PGS1: variants seen among roughly 807,000 people sequenced by gnomAD.
PGS1 encodes CDP-diacylglycerol--glycerol-3-phosphate 3-phosphatidyltransferase, mitochondrial.
PGS1 carries 44 observed loss-of-function variants against 58.3 expected under a neutral mutation model. The observed-to-expected ratio is 0.75, with a 90% CI of 0.59 to 0.97. The LOEUF (loss-of-function observed/expected upper bound fraction) is 0.97. Ranked by LOEUF, PGS1 falls within the 50% of genes least tolerant of loss-of-function variation. The pLI is 0.00. For missense variants in PGS1, 684 were observed against 731.1 expected (o/e 0.94, Z 0.74); for synonymous variants, 330 against 311.0 (o/e 1.06, Z -0.64).
intron 1 of PGS1, among the ~76,000 whole-genome samples, chr17:78,384,978 G>A (rs1361947906): frequency 1.3e-5 from 2 of 152,258 alleles, no homozygotes; most frequent in Non-Finnish European, 1.5e-5. Flanking sequence ...GGGCCTCCAG[G>A]CGCTGTTGAC....
Position 78,396,363 on chromosome 17 carries a change from C to G in PGS1, c.389C>G (p.Thr130Arg), listed in dbSNP as rs1438252235. Residue 130 changes from threonine (T) to arginine (R), a missense_variant, in exon 3 of 10, where the codon ACA (threonine) becomes AGA (arginine). Transcript: ENST00000262764. ...GTGATGGCATCCCTCTACCTGGGGA[C>G]AGGTCCTTTGGAACAGGAGCTGGTA... ...RVVMASLYLG[T>R]GPLEQELVDC... 5 of 1,612,652 alleles carry G rather than the reference C, an allele frequency of 3.1e-6. No homozygotes were observed. The highest frequency in any genetic ancestry group is 4.2e-6 in the Non-Finnish European group (5 of 1,179,248).
chr17:78,417,999 G>T (rs1157964616), intron 8 of PGS1, among the ~76,000 whole-genome samples: 1 of 149,536 alleles, frequency 6.7e-6, no homozygotes, highest in East Asian at 2.0e-4. Context: ...GCACGATCTC[G>T]GCTCACTGTA....
At chr17:78,392,229 A>G (rs945029826) in intron 1 of PGS1, among the ~76,000 whole-genome samples, 5 of 152,238 alleles carry the variant, frequency 3.3e-5, no homozygotes, top group African/African-American at 9.6e-5. Context: ...ATAGGTATTG[A>G]CACTTCTCAA....
intron 9 of PGS1, among the ~76,000 whole-genome samples, chr17:78,423,307 G>GA (rs2086104959): frequency 6.6e-6 from 1 of 152,160 alleles, no homozygotes; most frequent in Non-Finnish European, 1.5e-5. Flanking sequence ...TCCGGGGCTT[G>GA]CTTGTGGGAA....
chr17:78,387,598 CTT>C (rs34252361), intron 1 of PGS1, among the ~76,000 whole-genome samples: 126 of 104,216 alleles, frequency 1.2e-3, no homozygotes, highest in African/African-American at 2.6e-3. Context: ...CGCGCCCAGC[CTT>C]TTTTTTTTTT....
chr17:78,392,319 G>A lies in PGS1; in HGVS notation c.144-157G>A, dbSNP rs1054748783. The stretch of plus-strand genomic sequence containing the variant: ...AATCCTTTAGCAGAGCTTGAGTTGG[G>A]CTCACTTTTTAAAATGTTCTAGAAA... On this transcript the variant is annotated intron_variant, in intron 1 of 9. Coordinates refer to ENST00000262764, the MANE Select transcript of PGS1 (RefSeq NM_024419.5). 3.9e-5 allele frequency among the ~76,000 whole-genome samples: 6 copies of A among 152,170 alleles called. 1 individual carries two copies. In the East Asian group the frequency reaches 9.6e-4, roughly 24 times the overall value.
At chr17:78,423,906 C>G in intron 9 of PGS1, 155 bp from the exon 10 acceptor site, 1 of 1,613,908 alleles carries the variant, frequency 6.2e-7, no homozygotes, top group Non-Finnish European at 8.5e-7. Flanking sequence ...CAGGAGCGAG[C>G]TAAACCTGTA....
chr17:78,378,899 T>G, intron 1 of PGS1, 91 bp downstream of exon 1: 2 of 1,276,860 alleles, frequency 1.6e-6, no homozygotes, highest in Non-Finnish European at 2.0e-6. Context: ...GTCCTGGGCA[T>G]CCGCAGCGAG....
Position 78,404,158 on chromosome 17 carries a change from C to T in PGS1, c.1402+69C>T, listed in dbSNP as rs2083917858. ...ACAAACATGGGCAGGGGGTGGGGAG[C>T]CCTGGCGCCTACCTGTTAGAGTGCT... On this transcript the variant is annotated intron_variant, in intron 7 of 9. Transcript: ENST00000262764. The T allele has an allele frequency of 2.1e-6, 3 of 1,435,826 alleles. No individual in the cohort carries two copies. The East Asian group carries it at 7.5e-5, about 36-fold the overall frequency. The allele number at this position is 1,435,826 out of a possible 1,614,324, so 88.9% of individuals were successfully genotyped here.
chr17:78,408,961 G>A (rs748525674), intron 7 of PGS1, among the ~76,000 whole-genome samples: 1 of 152,230 alleles, frequency 6.6e-6, no homozygotes, highest in Non-Finnish European at 1.5e-5. Flanking sequence ...CGGGGGTGGG[G>A]TACAGGCAGG....
rs951893698 is a variant in PGS1 at position 78,423,947 on chromosome 17, T to G, written c.*11-114T>G. The stretch of plus-strand genomic sequence containing the variant: ...AGCGCCACGGCTGCCAGGATCCACT[T>G]CGCTGCCTTCTCTTTGGTCTTCAAG... On this transcript the variant is annotated intron_variant, in intron 9 of 9. Coordinates refer to ENST00000262764, the MANE Select transcript of PGS1 (RefSeq NM_024419.5). 5 of 1,613,894 alleles carry G rather than the reference T, an allele frequency of 3.1e-6. No individual in the cohort carries two copies. In the Admixed American group the frequency reaches 6.7e-5, roughly 22 times the overall value.
chr17:78,423,801 G>A lies in PGS1; in HGVS notation c.*11-260G>A, dbSNP rs72903323. 233,733 of 1,449,870 alleles carry A rather than the reference G, an allele frequency of 0.16. 19,903 individuals are homozygous for A. Among genetic ancestry groups the A allele is most frequent in the Middle Eastern group, 0.2 (981 of 4,872 alleles). The allele number at this position is 1,449,870 out of a possible 1,614,324, so 89.8% of individuals were successfully genotyped here. On this transcript the variant is annotated intron_variant, in intron 9 of 9. Transcript: ENST00000262764. ...AAAGCACCTGATTATTTAAGAGAAC[G>A]AAAAACCACCACCAGTTCCTGTAAA...
At chr17:78,418,160 C>T (rs1038773839) in intron 8 of PGS1, among the ~76,000 whole-genome samples, 21 of 152,006 alleles carry the variant, frequency 1.4e-4, no homozygotes, top group African/African-American at 4.8e-4. Context: ...GAACTCCTGA[C>T]CTCAAGTGAT....
intron 6 of PGS1, among the ~76,000 whole-genome samples, chr17:78,401,945 A>G (rs1225841331): frequency 2.6e-5 from 4 of 152,190 alleles, no homozygotes; most frequent in Admixed American, 6.5e-5. Context: ...AAAACAGGCC[A>G]TGCTTAGGCC....
At chr17:78,420,553 TGA>T (rs970457968) in intron 9 of PGS1, 1 of 152,090 alleles carries the variant, frequency 6.6e-6, no homozygotes, top group African/African-American at 2.4e-5. Context: ...GAAGGGACGG[TGA>T]GGAGTCAAAG....
chr17:78,386,621 T>A (rs1450963371), intron 1 of PGS1, among the ~76,000 whole-genome samples: 1 of 152,218 alleles, frequency 6.6e-6, no homozygotes, highest in Non-Finnish European at 1.5e-5. Flanking sequence ...AACCACAGCC[T>A]CTGCCTCCTC....
At chr17:78,406,036 G>A (rs1345714760) in intron 7 of PGS1, among the ~76,000 whole-genome samples, 1 of 147,380 alleles carries the variant, frequency 6.8e-6, no homozygotes, top group Non-Finnish European at 1.6e-5. Context: ...ACTGAAGCCG[G>A]CCAGGCGCGG....
At position 78,414,966 on chromosome 17, in the gene PGS1, A is replaced by C. The variant is rs778970734; in HGVS notation, c.1490A>C (p.Asp497Ala). 1 of 1,613,676 alleles carries C rather than the reference A, an allele frequency of 6.2e-7. No individual in the cohort carries two copies. The highest frequency in any genetic ancestry group is 2.2e-5 in the East Asian group (1 of 44,872). The change falls in exon 8 of 10, where the codon GAC (aspartate) becomes GCC (alanine). Residue 497 changes from aspartate to alanine, a missense_variant. Physicochemically the swap from Asp to Ala is moderately radical, Grantham distance 126 (BLOSUM62 -2). Coordinates refer to ENST00000262764, the MANE Select transcript of PGS1 (RefSeq NM_024419.5). ...PNFGYRSVHR[D>A]LEAQIAIVTE... ...TTTGGGTACAGGTCAGTTCACCGGG[A>C]CCTGGAGGCCCAGATTGCGATCGTG... is the stretch of plus-strand genomic sequence containing the variant.
At chr17:78,379,902 C>G (rs2081918058) in intron 1 of PGS1, among the ~76,000 whole-genome samples, 2 of 150,450 alleles carry the variant, frequency 1.3e-5, no homozygotes, top group Admixed American at 1.3e-4. Flanking sequence ...GAGTTTCACT[C>G]GTTGCCCAGA....
Sources: gnomAD v4.1 joint callset for allele counts (sites outside exome capture counted in the v4.1 genomes callset) on GRCh38, gnomAD v4.1.1 for gene constraint, MANE v1.5 for transcripts, NCBI Gene and HGNC (gene_info 2026-07-23, HGNC 2026-07-21) for gene names.